The following ADGRL3 variants were observed in gnomAD, a reference collection of about 807,000 sequenced individuals.
The protein encoded by ADGRL3 is calcium-independent alpha-latrotoxin receptor 3.
Under a neutral mutation model 153.5 loss-of-function variants are expected in ADGRL3, and 62 were observed. The observed-to-expected ratio is 0.40, with a 90% CI of 0.33 to 0.50. ADGRL3 has a LOEUF of 0.50. Among genes scored for constraint, ADGRL3 ranks in the 20% least tolerant of loss-of-function variants. The pLI, the probability that ADGRL3 is intolerant of heterozygous loss-of-function variation, is 0.47. For missense variants in ADGRL3, 1,641 were observed against 1,859.4 expected (o/e 0.88, Z 2.16); for synonymous variants, 710 against 672.5 (o/e 1.06, Z -0.86).
intron 4 of ADGRL3, among the ~76,000 whole-genome samples, chr4:61,582,691 G>A (rs906767074): frequency 2.6e-5 from 4 of 151,620 alleles, no homozygotes; most frequent in African/African-American, 4.8e-5. Context: ...GGCCCAGGGA[G>A]AGACAGAGAA....
chr4:61,607,532 G>A (rs934924805), intron 5 of ADGRL3, among the ~76,000 whole-genome samples: 17 of 152,034 alleles, frequency 1.1e-4, no homozygotes, highest in Admixed American at 5.2e-4. Context: ...CCCAGGAGGC[G>A]GAGGTTGCAG....
At chr4:61,222,563 C>G (rs1445853435) in intron 1 of ADGRL3, among the ~76,000 whole-genome samples, 1 of 151,796 alleles carries the variant, frequency 6.6e-6, no homozygotes, top group Admixed American at 6.6e-5. Context: ...TCTGGACTAA[C>G]AAAACAAAAC....
intron 1 of ADGRL3, among the ~76,000 whole-genome samples, chr4:61,309,663 A>C (rs1376165797): frequency 6.6e-6 from 1 of 152,110 alleles, no homozygotes; most frequent in Admixed American, 6.6e-5. Context: ...CTTAATTTTT[A>C]GATGTGTTCA....
At chr4:61,695,040 T>A (rs72638542) in intron 6 of ADGRL3, among the ~76,000 whole-genome samples, 33,652 of 152,028 alleles carry the variant, frequency 0.22, 3,878 homozygotes, top group East Asian at 0.29. Flanking sequence ...TTGCACCATA[T>A]CTTCAGTTAT....
At chr4:62,053,459 A>G (rs1393152416) in intron 25 of ADGRL3, among the ~76,000 whole-genome samples, 4 of 151,568 alleles carry the variant, frequency 2.6e-5, no homozygotes, top group Non-Finnish European at 5.9e-5. Context: ...ATAATTTGTC[A>G]TAACAAGGAA....
At chr4:61,301,212 T>G (rs2094572078) in intron 1 of ADGRL3, among the ~76,000 whole-genome samples, 1 of 152,248 alleles carries the variant, frequency 6.6e-6, no homozygotes, top group South Asian at 2.1e-4. Context: ...TTAATCTGTT[T>G]AAAATATTTC....
At chr4:61,973,793 T>G (rs2099037971) in intron 17 of ADGRL3, among the ~76,000 whole-genome samples, 1 of 152,226 alleles carries the variant, frequency 6.6e-6, no homozygotes, top group Non-Finnish European at 1.5e-5. Context: ...CTTTGTTTGC[T>G]ACGTTATTTG....
At chr4:61,777,128 A>C (rs1012396920) in intron 8 of ADGRL3, among the ~76,000 whole-genome samples, 4 of 152,002 alleles carry the variant, frequency 2.6e-5, no homozygotes, top group Admixed American at 2.6e-4. Context: ...AGGTGAGGAG[A>C]TCGAGACCAT....
At chr4:61,841,083 T>G (rs2098023789) in intron 9 of ADGRL3, among the ~76,000 whole-genome samples, 1 of 152,164 alleles carries the variant, frequency 6.6e-6, no homozygotes, top group Admixed American at 6.5e-5. Flanking sequence ...AAACTCTAGA[T>G]TCCCATAAAA....
At chr4:61,834,105 T>TC (rs1249368760) in intron 9 of ADGRL3, among the ~76,000 whole-genome samples, 3 of 30,728 alleles carry the variant, frequency 9.8e-5, no homozygotes, top group Non-Finnish European at 2.0e-4. Flanking sequence ...CCCTCCCCCC[T>TC]CCCCCCTTCC....
chr4:61,879,343 T>C (rs550127053), intron 9 of ADGRL3, among the ~76,000 whole-genome samples: 12 of 152,320 alleles, frequency 7.9e-5, no homozygotes, highest in African/African-American at 2.6e-4. Context: ...CCAGAAATGC[T>C]TCAGATTTCA....
intron 10 of ADGRL3, among the ~76,000 whole-genome samples, chr4:61,894,544 G>A (rs1226091380): frequency 6.6e-6 from 1 of 152,006 alleles, no homozygotes; most frequent in Admixed American, 6.6e-5. Context: ...AATAATAATA[G>A]CCCCTTACTG....
chr4:61,617,437 C>T (rs80120894), intron 5 of ADGRL3, among the ~76,000 whole-genome samples: 2,443 of 152,158 alleles, frequency 0.016, 23 homozygotes, highest in Non-Finnish European at 0.025. Context: ...AAAAAACTTG[C>T]TTACTCTAAG....
At position 61,620,104 on chromosome 4, in the gene ADGRL3, T is replaced by C. The variant is rs575428424; in HGVS notation, c.473+32664T>C. Among the ~76,000 whole-genome samples, 3 of 151,844 alleles carry C rather than the reference T, an allele frequency of 2.0e-5. No homozygotes were observed. The South Asian group carries it at 6.2e-4, about 32-fold the overall frequency. On this transcript the variant is annotated intron_variant, in intron 5 of 26. Coordinates refer to ENST00000683033, the MANE Select transcript of ADGRL3 (RefSeq NM_001387552.1). ...GAAATAAGGCTGGCTTTATGCTTCT[T>C]CCTTTAAAAAAATGCGAGGGTATCT...
At chr4:61,249,880 T>C (rs1252986721) in intron 1 of ADGRL3, among the ~76,000 whole-genome samples, 2 of 152,178 alleles carry the variant, frequency 1.3e-5, no homozygotes, top group African/African-American at 4.8e-5. Flanking sequence ...GCCTGGAACA[T>C]AGTAAACATT....
At chr4:61,508,520 T>G (rs1000112411) in intron 3 of ADGRL3, among the ~76,000 whole-genome samples, 1 of 152,214 alleles carries the variant, frequency 6.6e-6, no homozygotes, top group Non-Finnish European at 1.5e-5. Context: ...AAAAATTTTT[T>G]TAACCTACAT....
At chr4:61,949,151 A>G (rs1304308909) in intron 17 of ADGRL3, among the ~76,000 whole-genome samples, 3 of 152,144 alleles carry the variant, frequency 2.0e-5, no homozygotes, top group South Asian at 2.1e-4. Flanking sequence ...CAAGCAAGAT[A>G]CTTCATGGCC....
intron 8 of ADGRL3, among the ~76,000 whole-genome samples, chr4:61,763,582 C>T (rs2096938747): frequency 6.6e-6 from 1 of 152,110 alleles, no homozygotes; most frequent in Non-Finnish European, 1.5e-5. Flanking sequence ...GCTATTTCCT[C>T]ACGGTATAGT....
At chr4:61,690,465 A>T (rs2095521094) in intron 6 of ADGRL3, among the ~76,000 whole-genome samples, 1 of 152,036 alleles carries the variant, frequency 6.6e-6, no homozygotes, top group African/African-American at 2.4e-5. Context: ...GTTAAAAAAC[A>T]ATCAAAGGAA....
Sources: allele counts gnomAD v4.1 joint callset (sites outside exome capture counted in the v4.1 genomes callset), GRCh38; gene constraint gnomAD v4.1.1; transcripts MANE v1.5; gene names NCBI Gene and HGNC (gene_info 2026-07-23, HGNC 2026-07-21).